Variants in ZFHX4 observed in about 807,000 individuals in gnomAD.
ZFHX4 encodes the protein zinc finger homeobox 4.
A neutral mutation model predicts 267.6 loss-of-function variants in ZFHX4; 56 were observed. The ratio of observed to expected loss-of-function variants is 0.21; its 90% CI spans 0.17 to 0.26. The LOEUF (loss-of-function observed/expected upper bound fraction) is 0.26, where lower values mean the gene tolerates loss of function less well. Among genes scored for constraint, ZFHX4 ranks in the 10% least tolerant of loss-of-function variants. The probability of loss-of-function intolerance (pLI) is 1.00; values close to 1 mark genes in which losing one functional copy is unlikely to be tolerated. For missense variants in ZFHX4, 4,332 were observed against 4,420.0 expected, an observed-to-expected ratio of 0.98 and a Z score of 0.56; for synonymous variants, 1,778 against 1,665.6, an observed-to-expected ratio of 1.07 and a Z score of -1.64.
At chr8:76,741,668 G>T (rs1809318868) in intron 3 of ZFHX4, among the ~76,000 whole-genome samples, 1 of 152,218 alleles carries the variant, frequency 6.6e-6, no homozygotes, top group African/African-American at 2.4e-5. Context: ...ACCCTGAACA[G>T]CCTGAGCAAT....
At chr8:76,805,430 T>A (rs1811221210) in intron 4 of ZFHX4, among the ~76,000 whole-genome samples, 1 of 152,110 alleles carries the variant, frequency 6.6e-6, no homozygotes, top group Non-Finnish European at 1.5e-5. Context: ...ATAGCTATTT[T>A]GAATTTTTGA....
chr8:76,697,241 C>G (rs777342424), intron 1 of ZFHX4, among the ~76,000 whole-genome samples: 1 of 151,704 alleles, frequency 6.6e-6, no homozygotes, highest in Non-Finnish European at 1.5e-5. Context: ...AAAATATAGA[C>G]GCATGTTAAA....
At chr8:76,686,783 C>A (rs1446687099) in intron 1 of ZFHX4, among the ~76,000 whole-genome samples, 4 of 152,276 alleles carry the variant, frequency 2.6e-5, no homozygotes, top group African/African-American at 9.6e-5. Context: ...AATCCATCTC[C>A]CTCTCTTCAT....
At chr8:76,837,060 C>T (rs917511735) in intron 5 of ZFHX4, among the ~76,000 whole-genome samples, 2 of 151,952 alleles carry the variant, frequency 1.3e-5, no homozygotes, top group Non-Finnish European at 2.9e-5. Context: ...CTGATTTTGG[C>T]ATACTAAACT....
intron 3 of ZFHX4, among the ~76,000 whole-genome samples, chr8:76,717,692 G>C (rs1808614254): frequency 6.6e-6 from 1 of 152,108 alleles, no homozygotes; most frequent in African/African-American, 2.4e-5. Flanking sequence ...GACCTCCTGG[G>C]CTCAGGCAAT....
intron 4 of ZFHX4, among the ~76,000 whole-genome samples, chr8:76,795,649 C>G (rs1392406160): frequency 2.0e-5 from 3 of 150,416 alleles, no homozygotes; most frequent in Non-Finnish European, 4.4e-5. Context: ...CAGGTTCAAG[C>G]AATTCTCCTG....
chr8:76,761,435 G>A (rs1358387688), intron 3 of ZFHX4, among the ~76,000 whole-genome samples: 1 of 152,164 alleles, frequency 6.6e-6, no homozygotes, highest in African/African-American at 2.4e-5. Context: ...ATTACATGTA[G>A]TGGCCATGCC....
chr8:76,849,879 T>G (rs1281252337), intron 8 of ZFHX4, 167 bp downstream of exon 8: 1 of 726,332 alleles, frequency 1.4e-6, no homozygotes, highest in Non-Finnish European at 2.2e-6. Flanking sequence ...GTGACCTCTT[T>G]TGCTTGGAAA....
rs1563570378 is a variant in ZFHX4 at position 76,863,311 on chromosome 8, GA to G, written c.9604del (p.Ile3202SerfsTer6). On this transcript the variant is annotated frameshift_variant, in exon 11 of 11. Transcript: ENST00000651372. LOFTEE classifies it high-confidence loss of function. ...AAAAGCAAACTAAGCCAAACAAGGTGAAAAAAATCAAAGAGGAGGAATTAGA... is the reference window on the plus strand; with the variant it reads ...AAAAGCAAACTAAGCCAAACAAGGTGAAAAAATCAAAGAGGAGGAATTAGA... ...EKKQTKPNKVKKIKEEELEAT... is the reference protein window; with the variant it reads ...EKKQTKPNKVXKIKEEELEAT... 6.2e-7 allele frequency: 1 copy of G among 1,612,508 alleles called. No individual in the cohort carries two copies. Among genetic ancestry groups the G allele is most frequent in the East Asian group, 2.2e-5 (1 of 44,790 alleles).
At chr8:76,859,300 C>T (rs1265311767) in intron 10 of ZFHX4, among the ~76,000 whole-genome samples, 1 of 152,110 alleles carries the variant, frequency 6.6e-6, no homozygotes, top group Non-Finnish European at 1.5e-5. Flanking sequence ...GCCCTGTGTT[C>T]AGTATCACTA....
chr8:76,830,988 C>T (rs896848531), intron 4 of ZFHX4, among the ~76,000 whole-genome samples: 11 of 152,066 alleles, frequency 7.2e-5, no homozygotes, highest in Admixed American at 2.6e-4. Flanking sequence ...GACTTTTATA[C>T]GAGACAGACA....
chr8:76,685,103 A>G (rs763886553), intron 1 of ZFHX4, among the ~76,000 whole-genome samples: 1 of 152,308 alleles, frequency 6.6e-6, no homozygotes, highest in East Asian at 1.9e-4. Context: ...AAGATAATAC[A>G]TTTAAGATTG....
At chr8:76,791,393 C>T (rs1810832501) in intron 4 of ZFHX4, among the ~76,000 whole-genome samples, 1 of 152,062 alleles carries the variant, frequency 6.6e-6, no homozygotes. Context: ...GGGGAAAAAA[C>T]TCCAGAATTC....
intron 3 of ZFHX4, among the ~76,000 whole-genome samples, chr8:76,750,385 T>G (rs1380305522): frequency 6.6e-6 from 1 of 152,154 alleles, no homozygotes; most frequent in Non-Finnish European, 1.5e-5. Context: ...AGTTTTGAGA[T>G]GCTAAACTGT....
intron 4 of ZFHX4, among the ~76,000 whole-genome samples, chr8:76,816,315 G>A (rs143274835): frequency 9.2e-5 from 14 of 152,098 alleles, no homozygotes; most frequent in African/African-American, 2.7e-4. Context: ...TTTTTTAAAC[G>A]TCATAATAGA....
intron 3 of ZFHX4, among the ~76,000 whole-genome samples, chr8:76,769,359 T>C (rs967183574): frequency 1.3e-5 from 2 of 151,240 alleles, no homozygotes; most frequent in Admixed American, 1.3e-4. Flanking sequence ...TTCTTTCTTC[T>C]TTTTTTTTAA....
intron 6 of ZFHX4, among the ~76,000 whole-genome samples, chr8:76,843,902 T>C (rs980316568): frequency 2.6e-5 from 4 of 152,084 alleles, no homozygotes; most frequent in African/African-American, 7.2e-5. Context: ...TCTGCACCCC[T>C]CCCCACACTG....
intron 4 of ZFHX4, among the ~76,000 whole-genome samples, chr8:76,805,671 A>ATAG (rs1324997871): frequency 6.6e-6 from 1 of 151,712 alleles, no homozygotes; most frequent in Admixed American, 6.6e-5. Context: ...TGTCCCTTAG[A>ATAG]TAGTTTGCAC....
intron 4 of ZFHX4, among the ~76,000 whole-genome samples, chr8:76,806,016 C>T (rs542176735): frequency 1.3e-5 from 2 of 152,140 alleles, no homozygotes; most frequent in East Asian, 3.9e-4. Flanking sequence ...ACTACAAAAG[C>T]AGATCAAGCA....
Sources: gnomAD v4.1 joint callset for allele counts (sites outside exome capture counted in the v4.1 genomes callset) on GRCh38, gnomAD v4.1.1 for gene constraint, MANE v1.5 for transcripts, NCBI Gene and HGNC (gene_info 2026-07-23, HGNC 2026-07-21) for gene names.